Variants in NDRG2 observed in about 807,000 individuals in gnomAD.
NDRG2 encodes protein NDRG2.
NDRG2 carries 34 observed loss-of-function variants against 58.2 expected under a neutral mutation model. That is an observed-to-expected ratio of 0.58 (90% CI 0.44 to 0.78). NDRG2 has a LOEUF of 0.78. NDRG2 is among the 30% of genes least tolerant of loss of function. The probability of loss-of-function intolerance (pLI) is 0.00; values close to 1 mark genes in which losing one functional copy is unlikely to be tolerated. For missense variants in NDRG2, 434 were observed against 471.2 expected, an observed-to-expected ratio of 0.92 and a Z score of 0.73; for synonymous variants, 187 against 175.9, an observed-to-expected ratio of 1.06 and a Z score of -0.50.
rs773849292 is a variant in NDRG2, at chr14:21,058,011, C to G, written c.24+12817G>C. ...ATGACATCATCTCAGTGGTTTAAAA[C>G]TCAGCATGTGCAGCCCAGCCCTCAA... On this transcript the variant is annotated intron_variant, in intron 1 of 14. Transcript: ENST00000403829. 3.7e-6 allele frequency: 6 copies of G among 1,614,114 alleles called. No homozygotes were observed. In the South Asian group the frequency reaches 5.5e-5, roughly 15 times the overall value.
chr14:21,030,524 C>A, upstream of NDRG2: 2 of 1,561,396 alleles, frequency 1.3e-6, no homozygotes, highest in Non-Finnish European at 8.7e-7. Context: ...CCTCCCTCCC[C>A]CTTCTCCTTC....
chr14:21,052,449 T>A lies in NDRG2; in HGVS notation c.24+18379A>T, dbSNP rs986612692. 2.0e-5 allele frequency among the ~76,000 whole-genome samples: 3 copies of A among 152,246 alleles called. No homozygotes were observed. The East Asian group carries it at 5.8e-4, about 29-fold the overall frequency. On this transcript the variant is annotated intron_variant, in intron 1 of 14. Coordinates refer to the NDRG2 transcript ENST00000403829. ...AAATGTGATCCTGAGCAAACTCATA[T>A]GGTCAAGATGAGTTCTAAAGGATGG...
chr14:21,054,429 T>G lies in NDRG2; in HGVS notation c.24+16399A>C, dbSNP rs190221661. Among the ~76,000 whole-genome samples, 6 of 152,254 alleles carry G rather than the reference T, an allele frequency of 3.9e-5. No individual in the cohort carries two copies. The East Asian group carries it at 1.2e-3, about 29-fold the overall frequency. Reference sequence around the variant, plus strand: ...GGCATTCAGTCTTCTTCTCTTGTGATCTGGTGGGAACAGGCATTGACCAAT... The same window carrying G: ...GGCATTCAGTCTTCTTCTCTTGTGAGCTGGTGGGAACAGGCATTGACCAAT... On this transcript the variant is annotated intron_variant, in intron 1 of 14. Coordinates refer to the NDRG2 transcript ENST00000403829.
In NDRG2 at chr14:21,040,974, TTTG is replaced by T. The variant is rs369908759; in HGVS notation, c.25-17656_25-17654del. ...AAGGCAGGGACTTTTGTCTTTGTTT[TTTG>T]TTGTTGTTTGTTTGTTTGTTTGTTT... is the stretch of plus-strand genomic sequence containing the variant. On this transcript the variant is annotated intron_variant, in intron 1 of 14. Transcript: ENST00000403829. Among the ~76,000 whole-genome samples, 341 of 86,768 alleles carry T rather than the reference TTTG, an allele frequency of 3.9e-3. 1 individual carries two copies. Among genetic ancestry groups the T allele is most frequent in the African/African-American group, 0.012 (330 of 26,424 alleles). 56.9% of individuals were successfully genotyped at this position (86,768 alleles called of 152,430 possible).
chr14:21,039,108 A>T (rs935136511), intron 1 of NDRG2, among the ~76,000 whole-genome samples: 1 of 152,220 alleles, frequency 6.6e-6, no homozygotes, highest in African/African-American at 2.4e-5. Context: ...TCCGGAAGGC[A>T]GAGAGGCTTG....
chr14:21,047,624 T>C lies in NDRG2; in HGVS notation c.24+23204A>G, dbSNP rs76815074. ...AAAAGGAGAATGCTTAATTATGAGATATTTATGTTTCTAGGGCTGGGAGCT... is the reference window on the plus strand; with the variant it reads ...AAAAGGAGAATGCTTAATTATGAGACATTTATGTTTCTAGGGCTGGGAGCT... On this transcript the variant is annotated intron_variant, in intron 1 of 14. Transcript: ENST00000403829. Among the ~76,000 whole-genome samples the C allele has an allele frequency of 6.2e-3, 938 of 152,258 alleles. 13 individuals are homozygous for C. Among genetic ancestry groups the C allele is most frequent in the African/African-American group, 0.022 (910 of 41,558 alleles).
At chr14:21,051,827 G>T (rs1193643124) in intron 1 of NDRG2, among the ~76,000 whole-genome samples, 1 of 152,180 alleles carries the variant, frequency 6.6e-6, no homozygotes, top group Non-Finnish European at 1.5e-5. Context: ...AACCCTATGG[G>T]GGTGGCACTT....
rs1365487333 is a variant in NDRG2 at position 21,033,721 on chromosome 14, C to T, written c.25-10400G>A. 3.3e-6 allele frequency: 3 copies of T among 903,222 alleles called. No homozygotes were observed. The African/African-American group carries it at 4.9e-5, about 15-fold the overall frequency. 56.0% of individuals were successfully genotyped at this position (903,222 alleles called of 1,614,324 possible). A position where few individuals can be genotyped will look rare whatever the true frequency, so the allele number is the denominator to read the frequency against. On this transcript the variant is annotated intron_variant, in intron 1 of 14. Coordinates refer to the NDRG2 transcript ENST00000403829. ...TCTCTTGGGAGGGGACCCTGCCTGC[C>T]TCGTAAGTCAGGAAGGAAGTCTTGT...
At position 21,017,872 on chromosome 14, in the gene NDRG2, A is replaced by G. The variant is rs1877631584; in HGVS notation, c.950-110T>C. 12 of 1,601,586 alleles carry G rather than the reference A, an allele frequency of 7.5e-6. No individual in the cohort carries two copies. In the South Asian group the frequency reaches 1.3e-4, roughly 18 times the overall value. ...GGACTAGTTATAACTAAGCCAGGGGATCAACGAGCTCGATTGGGCAGATAG... is the reference window on the plus strand; with the variant it reads ...GGACTAGTTATAACTAAGCCAGGGGGTCAACGAGCTCGATTGGGCAGATAG... On this transcript the variant is annotated intron_variant, in intron 15 of 15. Transcript: ENST00000556147.
intron 1 of NDRG2, among the ~76,000 whole-genome samples, chr14:21,050,794 G>C (rs1216881959): frequency 6.6e-6 from 1 of 152,176 alleles, no homozygotes. Flanking sequence ...CTTGTAATTA[G>C]GAAATAGTCA....
chr14:21,034,132 T>C, intron 1 of NDRG2: 1 of 1,614,184 alleles, frequency 6.2e-7, no homozygotes, highest in African/African-American at 1.3e-5. Context: ...ATCAGACCAT[T>C]ACAATAGCCC....
At chr14:21,065,904 G>C (rs1886237625) in intron 1 of NDRG2, among the ~76,000 whole-genome samples, 1 of 152,174 alleles carries the variant, frequency 6.6e-6, no homozygotes, top group South Asian at 2.1e-4. Context: ...TTTGAGACCA[G>C]CCTGGCCAAC....
intron 1 of NDRG2, among the ~76,000 whole-genome samples, chr14:21,069,959 G>T (rs1236156744): frequency 6.6e-6 from 1 of 152,248 alleles, no homozygotes; most frequent in East Asian, 1.9e-4. Flanking sequence ...CCCTTGCCGA[G>T]GCTAAACTGA....
At chr14:21,020,757 C>G in intron 7 of NDRG2, 27 bp downstream of exon 7, 3 of 1,613,982 alleles carry the variant, frequency 1.9e-6, no homozygotes, top group Non-Finnish European at 2.5e-6. Context: ...ACCCTCCTTT[C>G]CCTCCTCTGG....
rs151027037 is a variant in NDRG2 at position 21,039,674 on chromosome 14, A to T, written c.25-16353T>A. ...ATCACCTCCCTTATCCAAATAATTG[A>T]GGCAAAACAAAGATTTCAGTTGAAT... is the stretch of plus-strand genomic sequence containing the variant. On this transcript the variant is annotated intron_variant, in intron 1 of 14. Coordinates refer to the NDRG2 transcript ENST00000403829. Among the ~76,000 whole-genome samples, 97 of 152,336 alleles carry T rather than the reference A, an allele frequency of 6.4e-4. 1 individual carries two copies. The East Asian group carries it at 0.016, about 25-fold the overall frequency.
intron 1 of NDRG2, chr14:21,034,131 T>C (rs1463029199): frequency 6.2e-7 from 1 of 1,614,160 alleles, no homozygotes; most frequent in South Asian, 1.1e-5. Context: ...CATCAGACCA[T>C]TACAATAGCC....
intron 1 of NDRG2, chr14:21,034,146 A>C: frequency 6.2e-7 from 1 of 1,614,214 alleles, no homozygotes; most frequent in African/African-American, 1.3e-5. Context: ...ATAGCCCCGG[A>C]AACCCTTTGG....
upstream of NDRG2, chr14:21,030,304 G>T (rs1236594197): frequency 2.4e-6 from 1 of 417,288 alleles, no homozygotes; most frequent in Admixed American, 3.7e-5. Context: ...GGTACTCTAA[G>T]GTACATAAAA....
upstream of NDRG2, chr14:21,030,357 A>C (rs1472855469): frequency 1.8e-6 from 1 of 553,158 alleles, no homozygotes; most frequent in African/African-American, 1.9e-5. Context: ...TAGGATCCAC[A>C]CTGGTATCTC....
Sources: gnomAD v4.1 joint callset for allele counts (sites outside exome capture counted in the v4.1 genomes callset) on GRCh38, gnomAD v4.1.1 for gene constraint, MANE v1.5 for transcripts, NCBI Gene and HGNC (gene_info 2026-07-23, HGNC 2026-07-21) for gene names.